PTPRJ: variants seen among roughly 807,000 people sequenced by gnomAD.
PTPRJ encodes receptor-type tyrosine-protein phosphatase eta.
PTPRJ carries 129 observed loss-of-function variants against 141.3 expected under a neutral mutation model. The ratio of observed to expected loss-of-function variants is 0.91; its 90% CI spans 0.79 to 1.06. The LOEUF is 1.06. PTPRJ is among the 50% of genes least tolerant of loss of function. The pLI, the probability that PTPRJ is intolerant of heterozygous loss-of-function variation, is 0.00. For missense variants in PTPRJ, 1,601 were observed against 1,679.7 expected, an observed-to-expected ratio of 0.95 and a Z score of 0.82; for synonymous variants, 610 against 640.5, an observed-to-expected ratio of 0.95 and a Z score of 0.72.
intron 11 of PTPRJ, among the ~76,000 whole-genome samples, chr11:48,142,447 A>G (rs909640063): frequency 7.2e-5 from 11 of 152,170 alleles, no homozygotes. Flanking sequence ...AAGTCTTCCA[A>G]CAATGTGAAG....
chr11:48,049,547 AAAC>A (rs1343833660), intron 1 of PTPRJ, among the ~76,000 whole-genome samples: 2 of 151,026 alleles, frequency 1.3e-5, no homozygotes, highest in Non-Finnish European at 2.9e-5. Flanking sequence ...AAACAAAACA[AAAC>A]AAAACAAAAC....
Position 48,170,750 on chromosome 11 carries a change from T to C in PTPRJ, c.*3388T>C, listed in dbSNP as rs1010994838. On this transcript the variant is annotated 3_prime_UTR_variant, in exon 25 of 25. Coordinates refer to ENST00000418331, the MANE Select transcript of PTPRJ (RefSeq NM_002843.4). ...TTATACTTGTACAGAGTATTGCTGTTGGTTGCTTTTTTTTTTTTTAAGGAA... is the reference window on the plus strand; with the variant it reads ...TTATACTTGTACAGAGTATTGCTGTCGGTTGCTTTTTTTTTTTTTAAGGAA... The C allele has an allele frequency of 1.3e-4, 10 of 78,806 alleles. No homozygotes were observed. Among genetic ancestry groups the C allele is most frequent in the African/African-American group, 4.5e-4 (9 of 19,922 alleles). 4.9% of individuals were successfully genotyped at this position (78,806 alleles called of 1,614,324 possible).
intron 1 of PTPRJ, among the ~76,000 whole-genome samples, chr11:47,993,293 G>A (rs891039174): frequency 6.6e-6 from 1 of 151,222 alleles, no homozygotes; most frequent in Admixed American, 6.6e-5. Flanking sequence ...TAGTTTATTT[G>A]TTTGTTTGTT....
intron 15 of PTPRJ, 43 bp from the exon 16 acceptor site, chr11:48,149,404 G>A (rs371188174): frequency 2.2e-5 from 29 of 1,321,672 alleles, no homozygotes; most frequent in Non-Finnish European, 3.1e-5. Flanking sequence ...AGCACAGGAA[G>A]GAATCCTTTT....
chr11:48,169,208 A>G lies in PTPRJ; in HGVS notation c.*1846A>G, dbSNP rs1857997884. ...TTTTATTTCCCTTTCCCTTTGAGGT[A>G]CTGAAAGGATGAAAAGGTGGTGTCA... is the stretch of plus-strand genomic sequence containing the variant. On this transcript the variant is annotated 3_prime_UTR_variant, in exon 25 of 25. Coordinates refer to ENST00000418331, the MANE Select transcript of PTPRJ (RefSeq NM_002843.4). 1 of 152,194 alleles carries G rather than the reference A, an allele frequency of 6.6e-6. No homozygotes were observed. The highest frequency in any genetic ancestry group is 1.5e-5 in the Non-Finnish European group (1 of 68,028). The allele number at this position is 152,194 out of a possible 1,614,324, so 9.4% of individuals were successfully genotyped here. A position where few individuals can be genotyped will look rare whatever the true frequency, so the allele number is the denominator to read the frequency against.
At chr11:48,127,150 C>T (rs1282010446) in intron 6 of PTPRJ, among the ~76,000 whole-genome samples, 1 of 152,148 alleles carries the variant, frequency 6.6e-6, no homozygotes, top group East Asian at 1.9e-4. Context: ...GTGGCAAGAC[C>T]CCCCATGATG....
At position 48,167,344 on chromosome 11, in the gene PTPRJ, C is replaced by T. The variant is rs951681513; in HGVS notation, c.3996C>T (p.Thr1332=). The change falls in exon 25 of 25, where the codon ACC becomes ACT. Residue 1332 remains threonine, a synonymous_variant. Transcript: ENST00000418331. ...CGCCCGTGACCACATTTGGAAAGAC[C>T]AATGGTTACATCGCCTAATTCCAAA... ...NLAPVTTFGK[T]NGYIA The T allele has an allele frequency of 1.9e-6, 3 of 1,614,078 alleles. No individual in the cohort carries two copies. The highest frequency in any genetic ancestry group is 2.5e-6 in the Non-Finnish European group (3 of 1,179,972).
chr11:48,083,355 G>T (rs1286145243), intron 1 of PTPRJ, among the ~76,000 whole-genome samples: 4 of 152,198 alleles, frequency 2.6e-5, no homozygotes, highest in Non-Finnish European at 5.9e-5. Flanking sequence ...CTTGAACCCG[G>T]GAGGCGAAGG....
At chr11:48,006,285 T>G (rs192408320) in intron 1 of PTPRJ, among the ~76,000 whole-genome samples, 2 of 147,428 alleles carry the variant, frequency 1.4e-5, no homozygotes, top group African/African-American at 5.0e-5. Context: ...GGAGGAAGAG[T>G]GGGAGAGAGA....
Position 48,062,935 on chromosome 11 carries a change from G to A in PTPRJ, c.97-47123G>A, listed in dbSNP as rs568117612. ...CCAGACTACTAGCTATGCAGAAGCA[G>A]GAGCAAGGTAAGAGCAGATTTGTAT... On this transcript the variant is annotated intron_variant, in intron 1 of 24. Coordinates refer to ENST00000418331, the MANE Select transcript of PTPRJ (RefSeq NM_002843.4). 3.3e-5 allele frequency among the ~76,000 whole-genome samples: 5 copies of A among 152,336 alleles called. No homozygotes were observed. The South Asian group carries it at 1.0e-3, about 32-fold the overall frequency.
chr11:48,053,489 A>T (rs1329840611), intron 1 of PTPRJ, among the ~76,000 whole-genome samples: 4 of 114,252 alleles, frequency 3.5e-5, no homozygotes, highest in African/African-American at 8.3e-5. Flanking sequence ...ATATATATAA[A>T]ATATATATAT....
At chr11:48,088,285 G>A (rs1481206685) in intron 1 of PTPRJ, among the ~76,000 whole-genome samples, 4 of 152,146 alleles carry the variant, frequency 2.6e-5, no homozygotes, top group Non-Finnish European at 5.9e-5. Flanking sequence ...TTTTAACAGA[G>A]ATATCACAGA....
chr11:48,023,912 A>G (rs1156796120), intron 1 of PTPRJ, among the ~76,000 whole-genome samples: 2 of 152,066 alleles, frequency 1.3e-5, no homozygotes, highest in Non-Finnish European at 2.9e-5. Context: ...AATTTTGATT[A>G]TGTGTGCCAT....
chr11:48,018,020 G>A (rs1854994107), intron 1 of PTPRJ, among the ~76,000 whole-genome samples: 2 of 152,224 alleles, frequency 1.3e-5, no homozygotes, highest in African/African-American at 2.4e-5. Flanking sequence ...GTATGCATGT[G>A]TGAATGGATT....
At chr11:48,082,566 AT>A (rs112929654) in intron 1 of PTPRJ, among the ~76,000 whole-genome samples, 7 of 134,990 alleles carry the variant, frequency 5.2e-5, no homozygotes, top group South Asian at 2.4e-4. Context: ...TTATTTATTT[AT>A]TTTTTTTTTG....
At chr11:48,148,774 T>C (rs1244522188) in intron 15 of PTPRJ, among the ~76,000 whole-genome samples, 1 of 152,176 alleles carries the variant, frequency 6.6e-6, no homozygotes, top group Non-Finnish European at 1.5e-5. Context: ...AGTATTCAAC[T>C]GTATGACAGT....
At chr11:47,991,932 G>A (rs7123436) in intron 1 of PTPRJ, among the ~76,000 whole-genome samples, 32,705 of 152,042 alleles carry the variant, frequency 0.22, 3,691 homozygotes, top group African/African-American at 0.28. Flanking sequence ...TTATCTTATT[G>A]TGCTGAGACA....
At position 48,139,968 on chromosome 11, in the gene PTPRJ, G is replaced by C. The variant is rs146125050; in HGVS notation, c.2443+192G>C. Among the ~76,000 whole-genome samples, 232 of 152,276 alleles carry C rather than the reference G, an allele frequency of 1.5e-3. 1 individual carries two copies. The highest frequency in any genetic ancestry group is 5.5e-3 in the African/African-American group (227 of 41,554). The stretch of plus-strand genomic sequence containing the variant: ...AATCTAAAAAAGCAGAGTAAGAGGG[G>C]CTCATTTTTTACATTCTAAAAGATT... On this transcript the variant is annotated intron_variant, in intron 11 of 24. Transcript: ENST00000418331.
intron 6 of PTPRJ, 85 bp downstream of exon 6, chr11:48,125,271 C>T (rs1431104127): frequency 1.4e-6 from 2 of 1,447,008 alleles, no homozygotes; most frequent in Non-Finnish European, 1.9e-6. Flanking sequence ...TGAGTGATTT[C>T]TTGCATAACA....
Sources: allele counts gnomAD v4.1 joint callset (sites outside exome capture counted in the v4.1 genomes callset), GRCh38; gene constraint gnomAD v4.1.1; transcripts MANE v1.5; gene names NCBI Gene and HGNC (gene_info 2026-07-23, HGNC 2026-07-21).